CDH18: variants seen among roughly 807,000 people sequenced by gnomAD.
The protein encoded by CDH18 is cadherin 18, also known as cadherin-18.
Under a neutral mutation model 67.9 loss-of-function variants are expected in CDH18, and 31 were observed. The observed-to-expected ratio is 0.46, with a 90% CI of 0.34 to 0.62. CDH18 has a LOEUF of 0.62. CDH18 is among the 20% of genes least tolerant of loss of function. The pLI is 0.01. For synonymous variants in CDH18, 362 were observed against 347.2 expected, an observed-to-expected ratio of 1.04 and a Z score of -0.48; for missense variants, 890 against 975.5, an observed-to-expected ratio of 0.91 and a Z score of 1.17.
At chr5:20,413,214 A>T (rs1269778381) in intron 1 of CDH18, among the ~76,000 whole-genome samples, 2 of 152,170 alleles carry the variant, frequency 1.3e-5, no homozygotes, top group Non-Finnish European at 2.9e-5. Context: ...TCTATCATTG[A>T]TGGACATTTG....
At chr5:20,177,238 G>C (rs555112375) in intron 2 of CDH18, among the ~76,000 whole-genome samples, 1 of 152,020 alleles carries the variant, frequency 6.6e-6, no homozygotes, top group Non-Finnish European at 1.5e-5. Flanking sequence ...TAATACTGAC[G>C]CAATTTTCCT....
At chr5:20,216,698 TC>T (rs1454353157) in intron 2 of CDH18, among the ~76,000 whole-genome samples, 5 of 151,948 alleles carry the variant, frequency 3.3e-5, no homozygotes, top group African/African-American at 9.7e-5. Flanking sequence ...GCCTGTAGAT[TC>T]CTTCTTGTCC....
rs1737655148 is a variant in CDH18 at position 19,471,567 on chromosome 5, T to C, written c.*1659A>G. Among the ~76,000 whole-genome samples, 10 of 151,804 alleles carry C rather than the reference T, an allele frequency of 6.6e-5. No individual in the cohort carries two copies. In the South Asian group the frequency reaches 2.1e-3, roughly 32 times the overall value. On this transcript the variant is annotated 3_prime_UTR_variant, in exon 13 of 13. Coordinates refer to ENST00000382275, the MANE Select transcript of CDH18 (RefSeq NM_004934.5). ...TTCCTATTTCATGTATTTAAGAATTTCAATATTTCTGAAATATATAGATGT... is the reference window on the plus strand; with the variant it reads ...TTCCTATTTCATGTATTTAAGAATTCCAATATTTCTGAAATATATAGATGT...
At chr5:20,197,627 C>T (rs1580456287) in intron 2 of CDH18, among the ~76,000 whole-genome samples, 1 of 152,096 alleles carries the variant, frequency 6.6e-6, no homozygotes, top group East Asian at 1.9e-4. Context: ...GACAATCTTG[C>T]TATTTGCTGT....
chr5:20,383,648 G>A (rs183821206), intron 1 of CDH18, among the ~76,000 whole-genome samples: 6 of 152,148 alleles, frequency 3.9e-5, no homozygotes, highest in East Asian at 1.9e-4. Context: ...GCTCTTTTGC[G>A]TGAATCTTTC....
chr5:20,300,487 T>TC (rs1308293080), intron 1 of CDH18, among the ~76,000 whole-genome samples: 2 of 152,120 alleles, frequency 1.3e-5, no homozygotes. Context: ...AACATACTTT[T>TC]TAGGGCACGT....
chr5:20,078,427 C>A (rs1158195666), intron 2 of CDH18, among the ~76,000 whole-genome samples: 1 of 151,936 alleles, frequency 6.6e-6, no homozygotes, highest in East Asian at 2.0e-4. Context: ...CACGCCATTG[C>A]ACTCCAGCCT....
chr5:19,825,887 T>C (rs200722567), intron 3 of CDH18, among the ~76,000 whole-genome samples: 1 of 152,010 alleles, frequency 6.6e-6, no homozygotes, highest in Admixed American at 6.6e-5. Flanking sequence ...CAGGATGAAA[T>C]AGCTGAAATG....
At chr5:19,874,425 A>G (rs1206905780) in intron 2 of CDH18, among the ~76,000 whole-genome samples, 3 of 152,214 alleles carry the variant, frequency 2.0e-5, no homozygotes, top group South Asian at 2.1e-4. Context: ...AACTATAACA[A>G]AGCATTTTAT....
At chr5:20,268,400 C>T (rs765816118) in intron 1 of CDH18, among the ~76,000 whole-genome samples, 26 of 152,040 alleles carry the variant, frequency 1.7e-4, no homozygotes, top group Non-Finnish European at 3.5e-4. Context: ...CTTTCTCTTG[C>T]CTGATTGTTC....
intron 11 of CDH18, among the ~76,000 whole-genome samples, chr5:19,485,258 C>CTTT (rs397884499): frequency 7.3e-6 from 1 of 137,428 alleles, no homozygotes; most frequent in African/African-American, 2.6e-5. Flanking sequence ...GCTGTCTATT[C>CTTT]TTTTTTTTTT....
intron 2 of CDH18, among the ~76,000 whole-genome samples, chr5:20,184,958 G>A (rs1401924480): frequency 6.6e-6 from 1 of 152,006 alleles, no homozygotes; most frequent in Non-Finnish European, 1.5e-5. Context: ...TCAGACCTCA[G>A]GGTCACCATC....
chr5:20,240,514 T>G (rs1470522031), intron 2 of CDH18, among the ~76,000 whole-genome samples: 1 of 152,160 alleles, frequency 6.6e-6, no homozygotes, highest in Non-Finnish European at 1.5e-5. Flanking sequence ...CAGCAAAATT[T>G]CATTACTTCC....
At chr5:20,493,494 A>G (rs1214521440) in intron 1 of CDH18, among the ~76,000 whole-genome samples, 2 of 151,142 alleles carry the variant, frequency 1.3e-5, no homozygotes, top group Non-Finnish European at 2.9e-5. Flanking sequence ...AGAGCTTGCT[A>G]TAGGAAGGGA....
At chr5:19,952,093 G>C (rs538257867) in intron 2 of CDH18, among the ~76,000 whole-genome samples, 5 of 152,062 alleles carry the variant, frequency 3.3e-5, no homozygotes, top group Non-Finnish European at 5.9e-5. Flanking sequence ...CTGTCACCCA[G>C]GCTGGAGCGC....
chr5:20,349,922 C>A (rs1460081316), intron 1 of CDH18, among the ~76,000 whole-genome samples: 1 of 152,122 alleles, frequency 6.6e-6, no homozygotes, highest in Non-Finnish European at 1.5e-5. Context: ...TCATGCACAG[C>A]AGTTTGCATT....
At chr5:20,473,331 C>T (rs1752219631) in intron 1 of CDH18, among the ~76,000 whole-genome samples, 1 of 152,118 alleles carries the variant, frequency 6.6e-6, no homozygotes, top group African/African-American at 2.4e-5. Flanking sequence ...TTATGTTTGA[C>T]TGCATATAAT....
At chr5:19,896,017 G>GGA (rs1554059115) in intron 2 of CDH18, among the ~76,000 whole-genome samples, 1 of 150,988 alleles carries the variant, frequency 6.6e-6, no homozygotes, top group African/African-American at 2.4e-5. Context: ...ATTATTTGGG[G>GGA]AAAAAAAAAT....
intron 2 of CDH18, among the ~76,000 whole-genome samples, chr5:20,128,262 A>G (rs1748990982): frequency 6.6e-6 from 1 of 152,134 alleles, no homozygotes; most frequent in Admixed American, 6.5e-5. Flanking sequence ...AGAAAATAAA[A>G]GATCACATGA....
Sources: allele counts gnomAD v4.1 joint callset (sites outside exome capture counted in the v4.1 genomes callset), GRCh38; gene constraint gnomAD v4.1.1; transcripts MANE v1.5; gene names NCBI Gene and HGNC (gene_info 2026-07-23, HGNC 2026-07-21).